Variants in PAXIP1 observed in about 807,000 individuals in gnomAD.
PAXIP1 encodes PAX interacting protein 1, also known as PAX-interacting protein 1.
PAXIP1 carries 19 observed loss-of-function variants against 140.6 expected under a neutral mutation model. The ratio of observed to expected loss-of-function variants is 0.14; its 90% confidence interval spans 0.09 to 0.20. The LOEUF (loss-of-function observed/expected upper bound fraction) is 0.20, where lower values mean the gene tolerates loss of function less well. PAXIP1 is among the 10% of genes least tolerant of loss of function. The pLI is 1.00. For missense variants in PAXIP1, 920 were observed against 1,208.6 expected, an observed-to-expected ratio of 0.76 and a Z score of 3.54; for synonymous variants, 442 against 444.6, an observed-to-expected ratio of 0.99 and a Z score of 0.07.
chr7:154,994,847 A>G (rs535561449), intron 2 of PAXIP1, among the ~76,000 whole-genome samples: 10 of 152,358 alleles, frequency 6.6e-5, no homozygotes, highest in Middle Eastern at 3.4e-3. Flanking sequence ...TAACTAAGTT[A>G]CTGGATTAGT....
At chr7:154,992,307 G>T (rs4478527) in intron 3 of PAXIP1, among the ~76,000 whole-genome samples, 39,088 of 152,052 alleles carry the variant, frequency 0.26, 5,502 homozygotes, top group Middle Eastern at 0.37. Flanking sequence ...CCAGCACTTT[G>T]GGAGGCCGAG....
At position 154,948,063 on chromosome 7, in the gene PAXIP1, G is replaced by A. The variant is rs116455831; in HGVS notation, c.2822-60C>T. 1.0e-3 allele frequency: 1,152 copies of A among 1,154,760 alleles called. 7 individuals are homozygous for A. The African/African-American group carries it at 0.014, about 14-fold the overall frequency. 71.5% of individuals were successfully genotyped at this position (1,154,760 alleles called of 1,614,324 possible). A position where few individuals can be genotyped will look rare whatever the true frequency, so the allele number is the denominator to read the frequency against. ...TGGACACGTGAAGTGTGGCAAGTGT[G>A]ACCCACAAAATTCTCGCCCATATTC... On this transcript the variant is annotated intron_variant, in intron 16 of 20. Coordinates refer to ENST00000404141, the MANE Select transcript of PAXIP1 (RefSeq NM_007349.4).
intron 2 of PAXIP1, among the ~76,000 whole-genome samples, chr7:154,995,046 A>G (rs370065106): frequency 2.6e-5 from 4 of 152,166 alleles, no homozygotes; most frequent in African/African-American, 9.7e-5. Flanking sequence ...CTCTCCTTTC[A>G]ACAGCAACAC....
chr7:154,945,492 G>T, intron 20 of PAXIP1: 1 of 984,152 alleles, frequency 1.0e-6, no homozygotes, highest in South Asian at 4.7e-5. Flanking sequence ...GCAAGGATGG[G>T]TATCATTCTG....
At chr7:154,995,986 A>C (rs1810583825) in intron 2 of PAXIP1, among the ~76,000 whole-genome samples, 2 of 152,254 alleles carry the variant, frequency 1.3e-5, no homozygotes, top group South Asian at 4.1e-4. Flanking sequence ...AACATTTATA[A>C]GATTCAAATA....
intron 9 of PAXIP1, 79 bp from the exon 10 acceptor site, chr7:154,962,537 T>G: frequency 7.9e-7 from 1 of 1,260,202 alleles, no homozygotes; most frequent in Non-Finnish European, 1.1e-6. Context: ...GTTGTATAAC[T>G]ACAATGCCCT....
intron 3 of PAXIP1, 114 bp downstream of exon 3, chr7:154,993,612 A>T: frequency 3.7e-6 from 3 of 801,184 alleles, no homozygotes; most frequent in South Asian, 3.2e-5. Flanking sequence ...AGATGTAGAC[A>T]AAACAATCTG....
chr7:154,978,022 T>C (rs553002987), intron 5 of PAXIP1, among the ~76,000 whole-genome samples: 1 of 145,890 alleles, frequency 6.9e-6, no homozygotes, highest in East Asian at 2.1e-4. Context: ...CCCTTGTATC[T>C]GTCACCCAGC....
At chr7:154,978,288 T>G (rs918676778) in intron 5 of PAXIP1, among the ~76,000 whole-genome samples, 2 of 152,214 alleles carry the variant, frequency 1.3e-5, no homozygotes, top group African/African-American at 4.8e-5. Context: ...GTTTCACTAC[T>G]ATGAAAAACT....
chr7:154,987,674 T>C (rs1043064585), intron 4 of PAXIP1, among the ~76,000 whole-genome samples: 4 of 152,188 alleles, frequency 2.6e-5, no homozygotes, highest in African/African-American at 9.7e-5. Flanking sequence ...CCCAGCTCCT[T>C]CAGCGGTGCT....
At chr7:154,972,828 C>A (rs1431684087) in intron 6 of PAXIP1, among the ~76,000 whole-genome samples, 6 of 152,242 alleles carry the variant, frequency 3.9e-5, no homozygotes, top group Non-Finnish European at 7.3e-5. Flanking sequence ...TCAGCAGTAT[C>A]ATCACTCTTC....
intron 2 of PAXIP1, among the ~76,000 whole-genome samples, chr7:154,994,845 T>G (rs941476501): frequency 6.6e-6 from 1 of 152,232 alleles, no homozygotes; most frequent in African/African-American, 2.4e-5. Context: ...TTTAACTAAG[T>G]TACTGGATTA....
chr7:154,965,122 C>T (rs1001588602), intron 8 of PAXIP1: 8 of 152,264 alleles, frequency 5.3e-5, no homozygotes, highest in Admixed American at 3.9e-4. Flanking sequence ...GACACCATAA[C>T]GCTGCGGGTT....
intron 15 of PAXIP1, 117 bp downstream of exon 15, chr7:154,955,412 A>G: frequency 1.5e-6 from 1 of 657,482 alleles, no homozygotes; most frequent in Non-Finnish European, 2.7e-6. Context: ...AATATGCACC[A>G]TAAAGACTGT....
chr7:154,972,406 C>T (rs1157689407), intron 6 of PAXIP1, among the ~76,000 whole-genome samples: 2 of 152,248 alleles, frequency 1.3e-5, no homozygotes, highest in Non-Finnish European at 1.5e-5. Flanking sequence ...AGAGAATCGC[C>T]TAAACCAGGG....
At chr7:154,961,963 T>C (rs1808774180) in intron 10 of PAXIP1, among the ~76,000 whole-genome samples, 1 of 152,216 alleles carries the variant, frequency 6.6e-6, no homozygotes, top group Non-Finnish European at 1.5e-5. Flanking sequence ...CTCCTCCTTC[T>C]CCTCACTGAT....
intron 8 of PAXIP1, among the ~76,000 whole-genome samples, chr7:154,967,124 C>T (rs1415213057): frequency 4.6e-5 from 7 of 152,190 alleles, no homozygotes; most frequent in South Asian, 2.1e-4. Flanking sequence ...TCTGCTTAGC[C>T]GTGTGGCTGC....
chr7:154,969,897 T>C (rs976596877), intron 6 of PAXIP1, among the ~76,000 whole-genome samples: 1 of 152,122 alleles, frequency 6.6e-6, no homozygotes, highest in Non-Finnish European at 1.5e-5. Context: ...TGAGTCTTCA[T>C]GGGGGACACA....
In PAXIP1 at chr7:154,975,817, T is replaced by C; in HGVS notation, c.953A>G (p.Asn318Ser). Reference sequence around the variant, plus strand: ...TTCTGATCTTTCAGAACTTTGGAGGTTTTGTCCAGCAGCCATTAAATTACC... The same window carrying C: ...TTCTGATCTTTCAGAACTTTGGAGGCTTTGTCCAGCAGCCATTAAATTACC... ...VRGNLMAAGQ[N>S]LQSSERSEMI... Residue 318 changes from asparagine (N) to serine (S), a missense_variant, in exon 6 of 21, where the codon AAC becomes AGC. By Grantham distance (46) the Asn-to-Ser change is conservative. Transcript: ENST00000404141. The C allele has an allele frequency of 6.2e-7, 1 of 1,613,582 alleles. No homozygotes were observed. Among genetic ancestry groups the C allele is most frequent in the Non-Finnish European group, 8.5e-7 (1 of 1,179,818 alleles).
Sources: allele counts gnomAD v4.1 joint callset (sites outside exome capture counted in the v4.1 genomes callset), GRCh38; gene constraint gnomAD v4.1.1; transcripts MANE v1.5; gene names NCBI Gene and HGNC (gene_info 2026-07-23, HGNC 2026-07-21).